NUP58: variants seen among roughly 807,000 people sequenced by gnomAD.
NUP58 encodes the protein nucleoporin p58/p45.
In NUP58, 17 loss-of-function variants were observed where a neutral mutation model predicts 70.1. That is an observed-to-expected ratio of 0.24 (90% confidence interval 0.17 to 0.36). NUP58 has a LOEUF of 0.36. Among genes scored for constraint, NUP58 ranks in the 10% least tolerant of loss-of-function variants. NUP58 has a pLI of 1.00. For synonymous variants in NUP58, 275 were observed against 257.6 expected (o/e 1.07, Z -0.65); for missense variants, 644 against 701.5 (o/e 0.92, Z 0.93).
At position 25,319,306 on chromosome 13, in the gene NUP58, A is replaced by G. The variant is rs1593185941; in HGVS notation, c.686-20A>G. 1 of 1,611,130 alleles carries G rather than the reference A, an allele frequency of 6.2e-7. No individual in the cohort carries two copies. Among genetic ancestry groups the G allele is most frequent in the East Asian group, 2.2e-5 (1 of 44,714 alleles). ...TTCAATTACCAATTTTTTTTACGTGAAGCTTCTTGAATTTTCTAGGTGATA... is the reference window on the plus strand; with the variant it reads ...TTCAATTACCAATTTTTTTTACGTGGAGCTTCTTGAATTTTCTAGGTGATA... On this transcript the variant is annotated intron_variant, in intron 6 of 15. Transcript: ENST00000381736.
In NUP58 at chr13:25,304,478, TTATATATATATATATATATATA is replaced by T. The variant is rs67019897; in HGVS notation, c.107+2616_107+2637del. Among the ~76,000 whole-genome samples, 180 of 83,430 alleles carry T rather than the reference TTATATATATATATATATATATA, an allele frequency of 2.2e-3. 2 individuals carry two copies. Among genetic ancestry groups the T allele is most frequent in the South Asian group, 5.6e-3 (13 of 2,332 alleles). The allele number at this position is 83,430 out of a possible 152,430, so 54.7% of individuals were successfully genotyped here. On this transcript the variant is annotated intron_variant, in intron 1 of 15. Coordinates refer to ENST00000381736, the MANE Select transcript of NUP58 (RefSeq NM_014089.4). ...AATGTCTTCAGTTATGTTGTCAAGATTATATATATATATATATATATATATATATATATATATATGTATTTTT... is the reference window on the plus strand; with the variant it reads ...AATGTCTTCAGTTATGTTGTCAAGATTATATATATATATATATGTATTTTT...
In NUP58 at chr13:25,342,082, T is replaced by C. The variant is rs920626229; in HGVS notation, c.*1948T>C. 6.6e-6 allele frequency: 1 copy of C among 152,342 alleles called. No homozygotes were observed. The highest frequency in any genetic ancestry group is 1.5e-5 in the Non-Finnish European group (1 of 68,040). The allele number at this position is 152,342 out of a possible 1,614,324, so 9.4% of individuals were successfully genotyped here. On this transcript the variant is annotated 3_prime_UTR_variant, in exon 16 of 16. Coordinates refer to ENST00000381736, the MANE Select transcript of NUP58 (RefSeq NM_014089.4). ...TATTTATCTCTGAGCACTAAACTTA[T>C]TTTTGCATATTTCTGTAATATTGCA...
At chr13:25,338,305 ATG>A (rs1242456272) in intron 14 of NUP58, among the ~76,000 whole-genome samples, 3 of 152,214 alleles carry the variant, frequency 2.0e-5, no homozygotes, top group Non-Finnish European at 4.4e-5. Flanking sequence ...TAAAGTGGAA[ATG>A]GTTATAACTG....
intron 1 of NUP58, chr13:25,303,186 CTCTT>C: frequency 2.3e-6 from 1 of 436,574 alleles, no homozygotes; most frequent in Non-Finnish European, 4.5e-6. Context: ...CCATTGCTCT[CTCTT>C]TAATCATTAC....
At chr13:25,303,859 A>G (rs2030157710) in intron 1 of NUP58, among the ~76,000 whole-genome samples, 1 of 152,224 alleles carries the variant, frequency 6.6e-6, no homozygotes, top group African/African-American at 2.4e-5. Context: ...TTTAATAACA[A>G]TTTGAATGAC....
chr13:25,332,157 A>G (rs2031630017), intron 13 of NUP58: 1 of 986,402 alleles, frequency 1.0e-6, no homozygotes, highest in African/African-American at 1.7e-5. Context: ...GGTGAACAGA[A>G]CAGCAAGAGC....
At chr13:25,343,187 CTT>C (rs1467176492), downstream of NUP58, among the ~76,000 whole-genome samples, 1 of 152,036 alleles carries the variant, frequency 6.6e-6, no homozygotes, top group East Asian at 1.9e-4. Context: ...CCCTTCCCCT[CTT>C]AAGTTCCCAT....
downstream of NUP58, among the ~76,000 whole-genome samples, chr13:25,343,160 C>T (rs1245370647): frequency 6.6e-6 from 1 of 151,822 alleles, no homozygotes; most frequent in Non-Finnish European, 1.5e-5. Flanking sequence ...GCCTTTTATC[C>T]CTCACCCTCT....
downstream of NUP58, among the ~76,000 whole-genome samples, chr13:25,344,536 G>A (rs897726306): frequency 9.9e-5 from 15 of 152,144 alleles, no homozygotes; most frequent in African/African-American, 3.6e-4. Context: ...TTGTTTTTGT[G>A]TGGGGAGGCT....
rs2029998363 is a variant in NUP58 at position 25,301,681 on chromosome 13, A to G, written c.-93A>G. The G allele has an allele frequency of 4.8e-6, 3 of 619,852 alleles. No homozygotes were observed. Among genetic ancestry groups the G allele is most frequent in the Admixed American group, 8.0e-5 (2 of 24,962 alleles). 38.4% of individuals were successfully genotyped at this position (619,852 alleles called of 1,614,324 possible). ...GTTCCCGCCAGGTCCGTGCCGGGCG[A>G]GAGAGATGCTGCCCGGCCCGCCTCG... On this transcript the variant is annotated 5_prime_UTR_variant, in exon 1 of 16. Transcript: ENST00000381736.
chr13:25,318,195 G>C (rs59324295), intron 6 of NUP58, among the ~76,000 whole-genome samples: 1 of 152,030 alleles, frequency 6.6e-6, no homozygotes, highest in Admixed American at 6.6e-5. Context: ...GGGCACAGTG[G>C]CAGGCACCTG....
At chr13:25,320,304 T>A in intron 7 of NUP58, 1 of 382,394 alleles carries the variant, frequency 2.6e-6, no homozygotes, top group South Asian at 4.8e-5. Context: ...GCCAATCTTC[T>A]TAGATAAGAA....
At chr13:25,317,478 A>C (rs917665836) in intron 6 of NUP58, among the ~76,000 whole-genome samples, 1 of 152,202 alleles carries the variant, frequency 6.6e-6, no homozygotes, top group Non-Finnish European at 1.5e-5. Flanking sequence ...AGCTAGGTAG[A>C]TTAATTGGGG....
In NUP58 at chr13:25,322,593, G is replaced by A. The variant is rs181746837; in HGVS notation, c.951+1500G>A. Reference sequence around the variant, plus strand: ...TTTCATGTACAAAATTATTAAAATTGTATACAGTTACTTTCAGGCTATGTG... The same window carrying A: ...TTTCATGTACAAAATTATTAAAATTATATACAGTTACTTTCAGGCTATGTG... On this transcript the variant is annotated intron_variant, in intron 9 of 15. Coordinates refer to ENST00000381736, the MANE Select transcript of NUP58 (RefSeq NM_014089.4). 1.4e-3 allele frequency among the ~76,000 whole-genome samples: 218 copies of A among 152,294 alleles called. 1 individual carries two copies. The highest frequency in any genetic ancestry group is 4.9e-3 in the African/African-American group (205 of 41,562).
intron 7 of NUP58, 56 bp from the exon 8 acceptor site, chr13:25,320,474 G>C: frequency 8.1e-7 from 1 of 1,236,388 alleles, no homozygotes; most frequent in Admixed American, 1.8e-5. Context: ...TTAAAACTCA[G>C]CTGTCAACTT....
chr13:25,345,986 A>C (rs1216432604), downstream of NUP58, among the ~76,000 whole-genome samples: 2 of 152,210 alleles, frequency 1.3e-5, no homozygotes, highest in South Asian at 2.1e-4. Context: ...TTCATTGCTG[A>C]CAAGTGTGCT....
intron 1 of NUP58, among the ~76,000 whole-genome samples, chr13:25,306,415 A>T (rs1366616457): frequency 1.3e-5 from 2 of 151,032 alleles, no homozygotes; most frequent in Non-Finnish European, 1.5e-5. Context: ...AAAAAAAAAA[A>T]TCTGCTAAGT....
chr13:25,338,580 T>G, intron 14 of NUP58, 56 bp from the exon 15 acceptor site: 2 of 1,290,176 alleles, frequency 1.6e-6, no homozygotes, highest in Non-Finnish European at 2.3e-6. Context: ...CTTGTCCATA[T>G]CCTTTAACCT....
At chr13:25,339,944 A>G in intron 15 of NUP58, 21 bp from the exon 16 acceptor site, 2 of 1,542,734 alleles carry the variant, frequency 1.3e-6, no homozygotes, top group Non-Finnish European at 1.7e-6. Context: ...TGATATGAAT[A>G]TTTTTTTCCC....
Sources: allele counts gnomAD v4.1 joint callset (sites outside exome capture counted in the v4.1 genomes callset), GRCh38; gene constraint gnomAD v4.1.1; transcripts MANE v1.5; gene names NCBI Gene and HGNC (gene_info 2026-07-23, HGNC 2026-07-21).